The following GALNTL6 variants were observed in gnomAD, a reference collection of about 807,000 sequenced individuals.
The protein encoded by GALNTL6 is polypeptide N-acetylgalactosaminyltransferase-like 6.
A neutral mutation model predicts 73.7 loss-of-function variants in GALNTL6; 46 were observed. The observed-to-expected ratio is 0.62, with a 90% CI of 0.49 to 0.80. GALNTL6 has a LOEUF of 0.80. GALNTL6 is among the 30% of genes least tolerant of loss of function. The probability of loss-of-function intolerance (pLI) is 0.00; values close to 1 mark genes in which losing one functional copy is unlikely to be tolerated. For missense variants in GALNTL6, 604 were observed against 755.0 expected, an observed-to-expected ratio of 0.80 and a Z score of 2.34; for synonymous variants, 259 against 263.7, an observed-to-expected ratio of 0.98 and a Z score of 0.17.
chr4:172,384,643 G>T (rs1380569642), intron 5 of GALNTL6, among the ~76,000 whole-genome samples: 1 of 150,802 alleles, frequency 6.6e-6, no homozygotes, highest in Admixed American at 6.6e-5. Flanking sequence ...GCTTTGTGTT[G>T]TTTGCATTTT....
intron 5 of GALNTL6, among the ~76,000 whole-genome samples, chr4:172,803,312 G>C (rs1740764458): frequency 6.6e-6 from 1 of 152,208 alleles, no homozygotes. Flanking sequence ...TGTCAGATCA[G>C]CAGTGCCATT....
chr4:172,946,817 A>G (rs182909994), intron 9 of GALNTL6, among the ~76,000 whole-genome samples: 78 of 152,346 alleles, frequency 5.1e-4, no homozygotes, highest in African/African-American at 1.7e-3. Context: ...AAGATGCTCC[A>G]AACAACAGTT....
intron 5 of GALNTL6, among the ~76,000 whole-genome samples, chr4:172,443,211 G>A (rs1731904547): frequency 7.4e-6 from 1 of 135,530 alleles, no homozygotes. Flanking sequence ...TGTCCCCCAG[G>A]CTGGAGTGCA....
intron 7 of GALNTL6, among the ~76,000 whole-genome samples, chr4:172,839,597 A>G (rs1743095681): frequency 6.6e-6 from 1 of 152,310 alleles, no homozygotes; most frequent in African/African-American, 2.4e-5. Flanking sequence ...GGTTTTTAAG[A>G]TGCCATGGTC....
intron 2 of GALNTL6, among the ~76,000 whole-genome samples, chr4:172,174,278 G>T (rs1040998080): frequency 6.6e-6 from 1 of 152,192 alleles, no homozygotes; most frequent in South Asian, 2.1e-4. Flanking sequence ...GTGAAAAAAA[G>T]AAGTGTTTAT....
At chr4:172,741,377 A>G (rs1379880186) in intron 5 of GALNTL6, among the ~76,000 whole-genome samples, 1 of 152,092 alleles carries the variant, frequency 6.6e-6, no homozygotes, top group African/African-American at 2.4e-5. Context: ...AAAGGAGAAG[A>G]AAGGATTTCC....
chr4:172,443,369 T>C (rs941527888), intron 5 of GALNTL6, among the ~76,000 whole-genome samples: 2 of 151,574 alleles, frequency 1.3e-5, no homozygotes, highest in Admixed American at 1.3e-4. Context: ...TTTTACCATG[T>C]TGGCCAGGCT....
intron 5 of GALNTL6, among the ~76,000 whole-genome samples, chr4:172,621,064 T>C (rs374189565): frequency 2.6e-5 from 4 of 152,216 alleles, no homozygotes; most frequent in Admixed American, 1.3e-4. Context: ...TTTCTTTTTA[T>C]TGATTAAAGC....
intron 2 of GALNTL6, among the ~76,000 whole-genome samples, chr4:172,033,809 CA>C (rs1207885483): frequency 6.6e-6 from 1 of 152,036 alleles, no homozygotes; most frequent in Admixed American, 6.6e-5. Context: ...GCCCTTTACA[CA>C]AAATATCTAG....
At chr4:172,765,209 TA>T (rs1738338149) in intron 5 of GALNTL6, among the ~76,000 whole-genome samples, 1 of 152,188 alleles carries the variant, frequency 6.6e-6, no homozygotes, top group South Asian at 2.1e-4. Flanking sequence ...AATACATTTG[TA>T]TTACATGGAG....
chr4:172,345,231 T>C (rs1159898665), intron 4 of GALNTL6, among the ~76,000 whole-genome samples: 5 of 152,150 alleles, frequency 3.3e-5, no homozygotes, highest in Non-Finnish European at 4.4e-5. Flanking sequence ...TAAAGTGTGG[T>C]GTGACTTTCC....
At chr4:172,180,155 G>A (rs1217433610) in intron 2 of GALNTL6, among the ~76,000 whole-genome samples, 2 of 152,090 alleles carry the variant, frequency 1.3e-5, no homozygotes, top group East Asian at 1.9e-4. Context: ...GCGTGAGATG[G>A]TATCTCATTG....
chr4:171,925,823 A>C (rs896009987), intron 2 of GALNTL6, among the ~76,000 whole-genome samples: 1 of 152,172 alleles, frequency 6.6e-6, no homozygotes, highest in Admixed American at 6.5e-5. Flanking sequence ...TTTACTTAAA[A>C]ATAAATATTT....
chr4:172,476,189 G>C (rs908167468), intron 5 of GALNTL6, among the ~76,000 whole-genome samples: 3 of 152,146 alleles, frequency 2.0e-5, no homozygotes, highest in Non-Finnish European at 2.9e-5. Context: ...CACACTTCTG[G>C]AGGCTGTGAA....
At chr4:172,831,359 G>T (rs766635524) in intron 7 of GALNTL6, among the ~76,000 whole-genome samples, 3 of 151,972 alleles carry the variant, frequency 2.0e-5, no homozygotes, top group Non-Finnish European at 2.9e-5. Context: ...ATAAACACCC[G>T]CAACACACCA....
At chr4:173,006,624 G>A (rs1384092551) in intron 10 of GALNTL6, among the ~76,000 whole-genome samples, 1 of 152,172 alleles carries the variant, frequency 6.6e-6, no homozygotes, top group Non-Finnish European at 1.5e-5. Context: ...GTGTAGTAAA[G>A]GTAAAAGAAA....
chr4:172,656,527 C>A (rs1056373022), intron 5 of GALNTL6, among the ~76,000 whole-genome samples: 2 of 152,128 alleles, frequency 1.3e-5, no homozygotes, highest in African/African-American at 4.8e-5. Context: ...CCTGAGCACC[C>A]CTTTTCTAGA....
At chr4:172,621,651 C>T (rs1738961723) in intron 5 of GALNTL6, among the ~76,000 whole-genome samples, 1 of 152,080 alleles carries the variant, frequency 6.6e-6, no homozygotes, top group African/African-American at 2.4e-5. Flanking sequence ...GTATGTGAAA[C>T]ATGATATACT....
At chr4:171,923,695 G>A (rs1737872580) in intron 2 of GALNTL6, among the ~76,000 whole-genome samples, 1 of 150,802 alleles carries the variant, frequency 6.6e-6, no homozygotes, top group Non-Finnish European at 1.5e-5. Flanking sequence ...TGTGGACCCT[G>A]ACATTTTTTA....
Sources: gnomAD v4.1 joint callset for allele counts (sites outside exome capture counted in the v4.1 genomes callset) on GRCh38, gnomAD v4.1.1 for gene constraint, MANE v1.5 for transcripts, NCBI Gene and HGNC (gene_info 2026-07-23, HGNC 2026-07-21) for gene names.